Variants in PTPRD observed in about 807,000 individuals in gnomAD.
PTPRD encodes the protein protein tyrosine phosphatase receptor type D, also known as receptor-type tyrosine-protein phosphatase delta.
In PTPRD, 34 loss-of-function variants were observed where a neutral mutation model predicts 214.5. That is an observed-to-expected ratio of 0.16 (90% CI 0.12 to 0.21). PTPRD has a LOEUF of 0.21. Ranked by LOEUF, PTPRD falls within the 10% of genes least tolerant of loss-of-function variation. The pLI is 1.00. For synonymous variants in PTPRD, 1,128 were observed against 845.7 expected (o/e 1.33, Z -5.79); for missense variants, 2,545 against 2,398.7 (o/e 1.06, Z -1.27).
intron 11 of PTPRD, among the ~76,000 whole-genome samples, chr9:8,948,334 C>A (rs1047927827): frequency 1.4e-5 from 2 of 138,220 alleles, no homozygotes; most frequent in Non-Finnish European, 3.0e-5. Flanking sequence ...GGGCTCTTAA[C>A]CACTATGCCC....
chr9:10,375,000 G>C (rs1340004655), intron 2 of PTPRD, among the ~76,000 whole-genome samples: 1 of 151,926 alleles, frequency 6.6e-6, no homozygotes, highest in Non-Finnish European at 1.5e-5. Flanking sequence ...AGAAAAACTA[G>C]ATAAAAACAT....
In PTPRD at chr9:8,338,771, T is replaced by C. The variant is rs980623293; in HGVS notation, c.5379+151A>G. 5.1e-6 allele frequency: 3 copies of C among 591,598 alleles called. No individual in the cohort carries two copies. In the African/African-American group the frequency reaches 9.1e-5, roughly 18 times the overall value. 36.6% of individuals were successfully genotyped at this position (591,598 alleles called of 1,614,324 possible). A position where few individuals can be genotyped will look rare whatever the true frequency, so the allele number is the denominator to read the frequency against. On this transcript the variant is annotated intron_variant, in intron 43 of 45. Transcript: ENST00000381196. ...ACAGAGGAAAAGTTACTCTTACATATTAAACATAAAAAAAAACGTTCTCCA... is the reference window on the plus strand; with the variant it reads ...ACAGAGGAAAAGTTACTCTTACATACTAAACATAAAAAAAAACGTTCTCCA...
intron 8 of PTPRD, among the ~76,000 whole-genome samples, chr9:9,513,723 G>T (rs935507438): frequency 6.6e-6 from 1 of 151,930 alleles, no homozygotes; most frequent in Non-Finnish European, 1.5e-5. Context: ...TTAGCCAATA[G>T]ATAGCACCAA....
At position 10,074,043 on chromosome 9, in the gene PTPRD, C is replaced by T. The variant is rs1159808515; in HGVS notation, c.-544-40253G>A. Among the ~76,000 whole-genome samples, 3 of 152,040 alleles carry T rather than the reference C, an allele frequency of 2.0e-5. No individual in the cohort carries two copies. The East Asian group carries it at 5.8e-4, about 29-fold the overall frequency. On this transcript the variant is annotated intron_variant, in intron 3 of 45. Transcript: ENST00000381196. ...TGCTTATAATCACCAAATAAATATG[C>T]TCCAGGGTGAAACATTACCTTGTGT...
chr9:9,684,613 C>T, intron 7 of PTPRD, among the ~76,000 whole-genome samples: 1 of 151,634 alleles, frequency 6.6e-6, no homozygotes, highest in African/African-American at 2.4e-5. Flanking sequence ...TAAATATTCA[C>T]TAAATACATA....
At chr9:8,518,814 A>G (rs1261770650) in intron 20 of PTPRD, among the ~76,000 whole-genome samples, 1 of 152,184 alleles carries the variant, frequency 6.6e-6, no homozygotes, top group African/African-American at 2.4e-5. Context: ...TGCTGTGAAG[A>G]CTAATGAGCC....
At chr9:9,803,300 T>C (rs1028271925) in intron 5 of PTPRD, among the ~76,000 whole-genome samples, 2 of 151,172 alleles carry the variant, frequency 1.3e-5, no homozygotes, top group African/African-American at 2.4e-5. Context: ...ATAATCCTCA[T>C]TGGTAGTAAA....
chr9:9,946,181 C>T (rs1188713693), intron 4 of PTPRD, among the ~76,000 whole-genome samples: 2 of 143,648 alleles, frequency 1.4e-5, no homozygotes, highest in African/African-American at 5.3e-5. Flanking sequence ...TGGTTTTCTT[C>T]TTCACTAGAT....
intron 8 of PTPRD, among the ~76,000 whole-genome samples, chr9:9,510,084 T>A (rs577018238): frequency 1.3e-5 from 2 of 151,768 alleles, no homozygotes; most frequent in East Asian, 1.9e-4. Context: ...TCCCACAGGA[T>A]CACCTTTACC....
rs987038525 is a variant in PTPRD, at chr9:10,051,950, T to C, written c.-544-18160A>G. On this transcript the variant is annotated intron_variant, in intron 3 of 45. Transcript: ENST00000381196. Reference sequence around the variant, plus strand: ...TTAATTATTTAGGCTCCTCTCTTTTTGTTTTTGTTTTTGAGACAAGGTTTT... The same window carrying C: ...TTAATTATTTAGGCTCCTCTCTTTTCGTTTTTGTTTTTGAGACAAGGTTTT... Among the ~76,000 whole-genome samples the C allele has an allele frequency of 2.6e-5, 4 of 152,140 alleles. No individual in the cohort carries two copies. In the South Asian group the frequency reaches 8.3e-4, roughly 31 times the overall value.
At chr9:10,018,758 C>T (rs1255328889) in intron 4 of PTPRD, among the ~76,000 whole-genome samples, 2 of 151,034 alleles carry the variant, frequency 1.3e-5, no homozygotes, top group Non-Finnish European at 3.0e-5. Flanking sequence ...ACCGTTTTAG[C>T]CGGGATGGTC....
At chr9:9,431,295 A>T (rs1245184333) in intron 8 of PTPRD, among the ~76,000 whole-genome samples, 1 of 152,390 alleles carries the variant, frequency 6.6e-6, no homozygotes, top group Non-Finnish European at 1.5e-5. Context: ...CAACAGACAC[A>T]TGAAAAATTG....
chr9:8,872,511 G>T (rs540218183), intron 11 of PTPRD, among the ~76,000 whole-genome samples: 4 of 152,162 alleles, frequency 2.6e-5, no homozygotes, highest in Non-Finnish European at 5.9e-5. Context: ...CTTTGTACAA[G>T]CTAGTATTTT....
intron 8 of PTPRD, among the ~76,000 whole-genome samples, chr9:9,435,410 G>A (rs2084845018): frequency 1.1e-5 from 1 of 93,482 alleles, no homozygotes. Context: ...TGCAGACCCA[G>A]CTACTCAGGA....
intron 11 of PTPRD, among the ~76,000 whole-genome samples, chr9:8,876,876 A>C (rs554925839): frequency 1.3e-5 from 2 of 152,230 alleles, no homozygotes; most frequent in East Asian, 3.9e-4. Flanking sequence ...TGTGTCCTTT[A>C]AAATGTATCC....
rs111808552 is a variant in PTPRD, at chr9:9,649,459, C to T, written c.-286-74678G>A. Among the ~76,000 whole-genome samples the T allele has an allele frequency of 1.5e-3, 224 of 152,196 alleles. 1 individual carries two copies. Among genetic ancestry groups the T allele is most frequent in the African/African-American group, 5.3e-3 (220 of 41,528 alleles). On this transcript the variant is annotated intron_variant, in intron 7 of 45. Transcript: ENST00000381196. ...AATCATAAATATATGGAAAGAAACA[C>T]TGGGAAATTAACTGCATGATCTTAA...
At chr9:9,713,406 T>C (rs143219156) in intron 7 of PTPRD, among the ~76,000 whole-genome samples, 261 of 152,284 alleles carry the variant, frequency 1.7e-3, no homozygotes, top group Admixed American at 3.4e-3. Context: ...TGCTATGCAT[T>C]ATGGAGGACA....
chr9:9,821,288 C>T (rs2050634475), intron 5 of PTPRD, among the ~76,000 whole-genome samples: 1 of 152,058 alleles, frequency 6.6e-6, no homozygotes, highest in Admixed American at 6.6e-5. Flanking sequence ...TTACTGAAGT[C>T]AGTATTTTGA....
intron 11 of PTPRD, among the ~76,000 whole-genome samples, chr9:8,850,132 T>C (rs1161190861): frequency 1.3e-5 from 2 of 152,154 alleles, no homozygotes; most frequent in African/African-American, 4.8e-5. Context: ...TGGAAGATAG[T>C]ATTTTGGGTT....
Sources: gnomAD v4.1 joint callset for allele counts (sites outside exome capture counted in the v4.1 genomes callset) on GRCh38, gnomAD v4.1.1 for gene constraint, MANE v1.5 for transcripts, NCBI Gene and HGNC (gene_info 2026-07-23, HGNC 2026-07-21) for gene names.